CEP63: variants seen among roughly 807,000 people sequenced by gnomAD.
CEP63 encodes the protein centrosomal protein 63, also known as centrosomal protein of 63 kDa.
Under a neutral mutation model 89.1 loss-of-function variants are expected in CEP63, and 84 were observed. The ratio of observed to expected loss-of-function variants is 0.94; its 90% CI spans 0.79 to 1.13. The LOEUF is 1.13. Ranked by LOEUF, CEP63 falls within the 50% of genes most tolerant of loss-of-function variation. The pLI, the probability that CEP63 is intolerant of heterozygous loss-of-function variation, is 0.00. For synonymous variants in CEP63, 267 were observed against 272.5 expected, an observed-to-expected ratio of 0.98 and a Z score of 0.20; for missense variants, 838 against 813.3, an observed-to-expected ratio of 1.03 and a Z score of -0.37.
the CEP63 span, among the ~76,000 whole-genome samples, chr3:134,669,594 C>T: frequency 6.6e-6 from 1 of 152,210 alleles, no homozygotes; most frequent in East Asian, 1.9e-4. Flanking sequence ...ATATTTTGCA[C>T]AACACCAGTG....
the CEP63 span, among the ~76,000 whole-genome samples, chr3:134,706,866 G>C: frequency 2.0e-5 from 3 of 152,188 alleles, no homozygotes; most frequent in Non-Finnish European, 2.9e-5. Flanking sequence ...TTCTCTACCT[G>C]TCTCTTCACA....
the CEP63 span, among the ~76,000 whole-genome samples, chr3:134,669,975 G>A: frequency 6.6e-6 from 1 of 152,130 alleles, no homozygotes; most frequent in Non-Finnish European, 1.5e-5. Context: ...TGGGATTAGT[G>A]CCCTTTTAAA....
At chr3:134,610,351 C>G in the CEP63 span, 2 of 1,613,502 alleles carry the variant, frequency 1.2e-6, no homozygotes, top group Non-Finnish European at 1.7e-6. Flanking sequence ...CTTGGAGTAG[C>G]CAGGCACGGT....
At chr3:134,605,769 C>T in the CEP63 span, among the ~76,000 whole-genome samples, 4 of 152,052 alleles carry the variant, frequency 2.6e-5, no homozygotes, top group African/African-American at 9.7e-5. Context: ...AACGAGGCCT[C>T]TCAGACCTTG....
At chr3:134,682,808 T>C in the CEP63 span, among the ~76,000 whole-genome samples, 6 of 152,146 alleles carry the variant, frequency 3.9e-5, no homozygotes, top group Admixed American at 6.5e-5. Context: ...ATTTTACTGC[T>C]AAAGAAACTG....
chr3:134,553,127 G>C lies in CEP63; in HGVS notation c.1467+1115G>C, dbSNP rs1026355362. On this transcript the variant is annotated intron_variant, in intron 12 of 14. Transcript: ENST00000675561. ...TGCTTTTTTCCTGCATTTCCAGAGAGTATTCCTCCAAAAAGATATATGGTT... is the reference window on the plus strand; with the variant it reads ...TGCTTTTTTCCTGCATTTCCAGAGACTATTCCTCCAAAAAGATATATGGTT... 3 of 152,074 alleles carry C rather than the reference G, an allele frequency of 2.0e-5. No individual in the cohort carries two copies. The East Asian group carries it at 5.8e-4, about 29-fold the overall frequency. 9.4% of individuals were successfully genotyped at this position (152,074 alleles called of 1,614,324 possible). A position where few individuals can be genotyped will look rare whatever the true frequency, so the allele number is the denominator to read the frequency against.
the CEP63 span, among the ~76,000 whole-genome samples, chr3:134,737,450 A>G: frequency 6.6e-6 from 1 of 152,254 alleles, no homozygotes; most frequent in African/African-American, 2.4e-5. Context: ...AAAGCAAAAC[A>G]TAATCCAAGA....
intron 3 of CEP63, chr3:134,510,490 T>C: frequency 3.1e-6 from 1 of 327,726 alleles, no homozygotes. Context: ...CTTTCTACTA[T>C]TAATTACCAT....
chr3:134,559,393 T>G lies in CEP63; in HGVS notation c.1917T>G (p.Ser639=). Residue 639 remains serine (S), a synonymous_variant, in exon 14 of 15, where the codon TCT becomes TCG. Coordinates refer to ENST00000675561, the MANE Select transcript of CEP63 (RefSeq NM_001353108.3). The part of the protein sequence containing the change: ...TNEANFSDTM[S]ESMNDQEEFI... ...AAGCCAATTTTTCTGACACTATGTC[T>G]GAGAGTATGAATGACCAAGAAGAGT... 6.2e-7 allele frequency: 1 copy of G among 1,613,738 alleles called. No homozygotes were observed.
At chr3:134,556,030 T>C (rs1453884675) in intron 12 of CEP63, among the ~76,000 whole-genome samples, 77 of 149,460 alleles carry the variant, frequency 5.2e-4, no homozygotes, top group African/African-American at 1.7e-3. Flanking sequence ...GGGAAAGGAT[T>C]CCCTATTTAA....
the CEP63 span, among the ~76,000 whole-genome samples, chr3:134,706,213 C>G: frequency 6.6e-6 from 1 of 152,196 alleles, no homozygotes; most frequent in East Asian, 1.9e-4. Flanking sequence ...TAGTGGGAGG[C>G]CTTAGGCAAG....
At chr3:134,700,909 G>A in the CEP63 span, among the ~76,000 whole-genome samples, 43 of 152,138 alleles carry the variant, frequency 2.8e-4, no homozygotes, top group African/African-American at 9.9e-4. Flanking sequence ...TCCCTTGGCT[G>A]GTCTGCCAGT....
the CEP63 span, among the ~76,000 whole-genome samples, chr3:134,628,865 C>G: frequency 6.6e-6 from 1 of 152,308 alleles, no homozygotes; most frequent in Non-Finnish European, 1.5e-5. Context: ...GCCCTCTTTA[C>G]AGTAGACTAC....
chr3:134,750,776 G>A, the CEP63 span, among the ~76,000 whole-genome samples: 3,396 of 152,262 alleles, frequency 0.022, 121 homozygotes, highest in African/African-American at 0.076. Flanking sequence ...TTCTGGGCTG[G>A]CAGAAGAAAG....
At chr3:134,504,575 C>G (rs899304944) in intron 2 of CEP63, among the ~76,000 whole-genome samples, 1 of 152,146 alleles carries the variant, frequency 6.6e-6, no homozygotes, top group African/African-American at 2.4e-5. Flanking sequence ...TATAATGTGC[C>G]TTAGAGAAGA....
At chr3:134,744,765 T>G in the CEP63 span, among the ~76,000 whole-genome samples, 1 of 152,224 alleles carries the variant, frequency 6.6e-6, no homozygotes, top group Admixed American at 6.5e-5. Flanking sequence ...CAATCCTCCC[T>G]CCTCTTCCTT....
the CEP63 span, among the ~76,000 whole-genome samples, chr3:134,667,262 T>A: frequency 6.6e-6 from 1 of 152,186 alleles, no homozygotes; most frequent in South Asian, 2.1e-4. Flanking sequence ...TAAGTGGCTA[T>A]CTTTCCAGGT....
the CEP63 span, among the ~76,000 whole-genome samples, chr3:134,728,870 T>G: frequency 6.6e-6 from 1 of 152,198 alleles, no homozygotes; most frequent in Non-Finnish European, 1.5e-5. Flanking sequence ...TTGCAGAATT[T>G]TCTCTCGTCA....
chr3:134,700,583 G>A, the CEP63 span, among the ~76,000 whole-genome samples: 64 of 151,468 alleles, frequency 4.2e-4, no homozygotes, highest in Middle Eastern at 6.8e-3. Flanking sequence ...TTTTTTTACT[G>A]AATTCCAACC....
Sources: gnomAD v4.1 joint callset for allele counts (sites outside exome capture counted in the v4.1 genomes callset) on GRCh38, gnomAD v4.1.1 for gene constraint, MANE v1.5 for transcripts, NCBI Gene and HGNC (gene_info 2026-07-23, HGNC 2026-07-21) for gene names.